The following UPB1 variants were observed in gnomAD, a reference collection of about 807,000 sequenced individuals.
UPB1 encodes the protein beta-ureidopropionase.
Under a neutral mutation model 49.1 loss-of-function variants are expected in UPB1, and 40 were observed. That is an observed-to-expected ratio of 0.81 (90% confidence interval 0.63 to 1.06). UPB1 has a LOEUF of 1.06. UPB1 is among the 50% of genes least tolerant of loss of function. The probability of loss-of-function intolerance (pLI) is 0.00; values close to 1 mark genes in which losing one functional copy is unlikely to be tolerated. For missense variants in UPB1, 499 were observed against 505.9 expected (o/e 0.99, Z 0.13); for synonymous variants, 207 against 198.2 (o/e 1.04, Z -0.38).
At chr22:24,521,701 C>T (rs1224827732) in intron 7 of UPB1, among the ~76,000 whole-genome samples, 3 of 152,122 alleles carry the variant, frequency 2.0e-5, no homozygotes, top group Non-Finnish European at 4.4e-5. Context: ...CCAGTCTGTG[C>T]CCAGTTTCTT....
At chr22:24,503,611 C>T (rs892909819) in intron 3 of UPB1, 4 of 152,204 alleles carry the variant, frequency 2.6e-5, no homozygotes, top group African/African-American at 9.7e-5. Context: ...ACTTAAGAGG[C>T]CTCTCTCCCA....
intron 4 of UPB1, among the ~76,000 whole-genome samples, chr22:24,511,616 A>AT (rs758257120): frequency 0.014 from 1,723 of 125,050 alleles, 19 homozygotes; most frequent in Middle Eastern, 0.021. Context: ...ATATATATAT[A>AT]TATTTTTTTT....
intron 3 of UPB1, among the ~76,000 whole-genome samples, chr22:24,504,724 T>C (rs1332492111): frequency 2.1e-4 from 3 of 14,152 alleles, no homozygotes; most frequent in Non-Finnish European, 5.2e-4. Context: ...TATTTCCTCC[T>C]TTTTTTTTTT....
At chr22:24,510,427 A>T (rs945670108) in intron 3 of UPB1, among the ~76,000 whole-genome samples, 1 of 152,162 alleles carries the variant, frequency 6.6e-6, no homozygotes, top group Non-Finnish European at 1.5e-5. Flanking sequence ...CTATCAGTTC[A>T]TCTGTTGATA....
rs1601516364 is a variant in UPB1 at position 24,522,084 on chromosome 22, T to C, written c.916+56T>C. The C allele has an allele frequency of 6.9e-6, 11 of 1,587,566 alleles. No individual in the cohort carries two copies. The East Asian group carries it at 2.5e-4, about 36-fold the overall frequency. ...TGAGGAGTGGGCCTTCCTCTCCCCT[T>C]CTCTGTCTGCTTCCTCCAGTCAGGA... On this transcript the variant is annotated intron_variant, in intron 8 of 9. Coordinates refer to ENST00000326010, the MANE Select transcript of UPB1 (RefSeq NM_016327.3).
At chr22:24,515,485 C>A in intron 6 of UPB1, 115 bp downstream of exon 6, 1 of 1,387,286 alleles carries the variant, frequency 7.2e-7, no homozygotes. Context: ...AGGATGTTAA[C>A]AGAGCTGAGC....
chr22:24,521,085 G>T (rs1184458269), intron 7 of UPB1, among the ~76,000 whole-genome samples: 2 of 151,060 alleles, frequency 1.3e-5, no homozygotes, highest in Non-Finnish European at 2.9e-5. Context: ...CAGGAGGCTG[G>T]GGCACGAGAA....
In UPB1 at chr22:24,510,844, G is replaced by A. The variant is rs2044186309; in HGVS notation, c.459+1G>A. 3 of 1,614,174 alleles carry A rather than the reference G, an allele frequency of 1.9e-6. No homozygotes were observed. The highest frequency in any genetic ancestry group is 2.5e-6 in the Non-Finnish European group (3 of 1,180,008). ...GCCCACCACCAGATTCTGTCAGAAG[G>A]TAGGACATTAACGGTGCCTCTGGCA... On this transcript the variant is annotated splice_donor_variant, in intron 4 of 9. Coordinates refer to ENST00000326010, the MANE Select transcript of UPB1 (RefSeq NM_016327.3). LOFTEE classifies it high-confidence loss of function.
chr22:24,512,244 G>C (rs982007261), intron 4 of UPB1, among the ~76,000 whole-genome samples: 3 of 152,220 alleles, frequency 2.0e-5, no homozygotes, highest in Non-Finnish European at 4.4e-5. Context: ...AGCCAGGGCT[G>C]GAGGAAGAGT....
At chr22:24,523,794 T>A in intron 9 of UPB1, 21 bp downstream of exon 9, 1 of 1,614,070 alleles carries the variant, frequency 6.2e-7, no homozygotes, top group Non-Finnish European at 8.5e-7. Context: ...AGGACCCCTG[T>A]TGTTGCCTGC....
intron 3 of UPB1, among the ~76,000 whole-genome samples, chr22:24,509,213 C>T (rs1347382670): frequency 6.6e-6 from 1 of 152,148 alleles, no homozygotes; most frequent in African/African-American, 2.4e-5. Flanking sequence ...GGCTGTAGAG[C>T]AGCATTAGGC....
rs60159909 is a variant in UPB1 at position 24,496,372 on chromosome 22, AACACAC to A, written c.104+891_104+896del. The stretch of plus-strand genomic sequence containing the variant: ...GGAGTCAGAGTGAGGCCCTGTCTCA[AACACAC>A]ACACACACACACACACACACACACA... On this transcript the variant is annotated intron_variant, in intron 1 of 9. Transcript: ENST00000326010. Among the ~76,000 whole-genome samples, 1,268 of 141,616 alleles carry A rather than the reference AACACAC, an allele frequency of 9.0e-3. 6 individuals carry two copies. Among genetic ancestry groups the A allele is most frequent in the South Asian group, 0.02 (85 of 4,292 alleles). The allele number at this position is 141,616 out of a possible 152,430, so 92.9% of individuals were successfully genotyped here. A position where few individuals can be genotyped will look rare whatever the true frequency, so the allele number is the denominator to read the frequency against.
intron 6 of UPB1, among the ~76,000 whole-genome samples, chr22:24,517,670 A>G (rs1015364424): frequency 8.5e-5 from 13 of 152,254 alleles, no homozygotes; most frequent in Non-Finnish European, 1.9e-4. Context: ...TCAGCAGCCT[A>G]TTAGGCTTAT....
intron 7 of UPB1, among the ~76,000 whole-genome samples, chr22:24,521,428 T>C (rs1177371208): frequency 1.3e-5 from 2 of 151,886 alleles, no homozygotes; most frequent in Non-Finnish European, 2.9e-5. Context: ...AGAGCCGCGG[T>C]CGCATCATTG....
At chr22:24,495,606 G>C in intron 1 of UPB1, 99 bp downstream of exon 1, 1 of 1,346,076 alleles carries the variant, frequency 7.4e-7, no homozygotes, top group South Asian at 1.2e-5. Flanking sequence ...AGGGCTCAGG[G>C]GAGGCGGTGA....
At position 24,495,388 on chromosome 22, in the gene UPB1, C is replaced by T. The variant is rs748590638; in HGVS notation, c.-16C>T. 4 of 1,612,430 alleles carry T rather than the reference C, an allele frequency of 2.5e-6. No homozygotes were observed. Among genetic ancestry groups the T allele is most frequent in the South Asian group, 2.2e-5 (2 of 91,080 alleles). ...GGCAGTTCGTGCGCGGACACAAGCA[C>T]TGGCGGACCGTGGCCATGGCGGGCG... On this transcript the variant is annotated 5_prime_UTR_variant, in exon 1 of 10. Transcript: ENST00000326010.
At position 24,527,793 on chromosome 22, in the gene UPB1, T is replaced by C. The variant is rs1017983254; in HGVS notation, c.*1999T>C. 6.8e-6 allele frequency: 1 copy of C among 147,596 alleles called. No individual in the cohort carries two copies. The highest frequency in any genetic ancestry group is 2.6e-5 in the African/African-American group (1 of 38,056). The allele number at this position is 147,596 out of a possible 1,614,324, so 9.1% of individuals were successfully genotyped here. ...TTTCACTTTACCTAATGGCCCTTCT[T>C]GCACCTTTAAAAAAAAAAAAAAAAA... On this transcript the variant is annotated 3_prime_UTR_variant, in exon 10 of 10. Coordinates refer to ENST00000326010, the MANE Select transcript of UPB1 (RefSeq NM_016327.3).
intron 7 of UPB1, 42 bp from the exon 8 acceptor site, chr22:24,521,944 G>A: frequency 6.2e-7 from 1 of 1,609,210 alleles, no homozygotes; most frequent in Non-Finnish European, 8.5e-7. Flanking sequence ...TGTAGTGGTA[G>A]TGCCACCTAT....
At chr22:24,508,356 C>G (rs768262857) in intron 3 of UPB1, among the ~76,000 whole-genome samples, 2 of 151,506 alleles carry the variant, frequency 1.3e-5, no homozygotes, top group African/African-American at 2.4e-5. Context: ...GTCAGGAGTT[C>G]GAAACCAGCC....
Sources: gnomAD v4.1 joint callset for allele counts (sites outside exome capture counted in the v4.1 genomes callset) on GRCh38, gnomAD v4.1.1 for gene constraint, MANE v1.5 for transcripts, NCBI Gene and HGNC (gene_info 2026-07-23, HGNC 2026-07-21) for gene names.